The following FNDC3B variants were observed in gnomAD, a reference collection of about 807,000 sequenced individuals.
FNDC3B encodes the protein fibronectin type III domain-containing protein 3B.
In FNDC3B, 12 loss-of-function variants were observed where a neutral mutation model predicts 151.5. That is an observed-to-expected ratio of 0.08 (90% CI 0.05 to 0.13). The LOEUF (loss-of-function observed/expected upper bound fraction) is 0.13. Ranked by LOEUF, FNDC3B falls within the 10% of genes least tolerant of loss-of-function variation. The pLI, the probability that FNDC3B is intolerant of heterozygous loss-of-function variation, is 1.00. For synonymous variants in FNDC3B, 528 were observed against 549.0 expected (o/e 0.96, Z 0.54); for missense variants, 1,214 against 1,505.3 (o/e 0.81, Z 3.20).
intron 23 of FNDC3B, among the ~76,000 whole-genome samples, chr3:172,368,496 CATT>C (rs1193823000): frequency 1.3e-5 from 2 of 152,280 alleles, no homozygotes; most frequent in Non-Finnish European, 2.9e-5. Flanking sequence ...ATATAATCAT[CATT>C]GTTTGATAAA....
At chr3:172,053,604 T>G (rs759111153) in intron 1 of FNDC3B, among the ~76,000 whole-genome samples, 1 of 152,042 alleles carries the variant, frequency 6.6e-6, no homozygotes, top group Non-Finnish European at 1.5e-5. Context: ...AAACCCCATC[T>G]CTACTAAAAA....
chr3:172,283,424 T>C lies in FNDC3B; in HGVS notation c.791-2502T>C, dbSNP rs563493778. 2.0e-5 allele frequency among the ~76,000 whole-genome samples: 3 copies of C among 152,362 alleles called. No homozygotes were observed. The South Asian group carries it at 6.2e-4, about 32-fold the overall frequency. On this transcript the variant is annotated intron_variant, in intron 6 of 25. Coordinates refer to ENST00000415807, the MANE Select transcript of FNDC3B (RefSeq NM_022763.4). ...ATAGTGTATTTCTAGTGCATAGTCC[T>C]GAGGATGTTTTATTTGCAGATCCCT...
chr3:172,175,975 A>G (rs1723573647), intron 3 of FNDC3B, among the ~76,000 whole-genome samples: 1 of 152,250 alleles, frequency 6.6e-6, no homozygotes, highest in Non-Finnish European at 1.5e-5. Flanking sequence ...GTCTACACAG[A>G]ATATAAATTT....
At chr3:172,069,700 T>C (rs1200243238) in intron 1 of FNDC3B, among the ~76,000 whole-genome samples, 1 of 152,218 alleles carries the variant, frequency 6.6e-6, no homozygotes, top group East Asian at 1.9e-4. Context: ...TCAGCTTCAC[T>C]GGGAGGGAGT....
chr3:172,341,216 C>T lies in FNDC3B; in HGVS notation c.1956C>T (p.Thr652=), dbSNP rs879103920. The T allele has an allele frequency of 9.9e-6, 16 of 1,613,520 alleles. No homozygotes were observed. Among genetic ancestry groups the T allele is most frequent in the South Asian group, 5.5e-5 (5 of 91,072 alleles). ...LYKLRACCIS[T]GGHSQCSESL... ...AACTCCGAGCATGCTGCATCAGTAC[C>T]GGCGGACACAGCCAGGTTGGTTTTG... The change falls in exon 17 of 26, where the codon ACC becomes ACT. Residue 652 remains threonine, a synonymous_variant. Coordinates refer to ENST00000415807, the MANE Select transcript of FNDC3B (RefSeq NM_022763.4).
intron 3 of FNDC3B, among the ~76,000 whole-genome samples, chr3:172,144,970 G>A (rs1404264089): frequency 6.6e-6 from 1 of 150,516 alleles, no homozygotes; most frequent in Non-Finnish European, 1.5e-5. Context: ...CACATTTCTT[G>A]TGTGGTTGGA....
At chr3:172,319,667 A>C (rs1360974141) in intron 11 of FNDC3B, among the ~76,000 whole-genome samples, 1 of 152,140 alleles carries the variant, frequency 6.6e-6, no homozygotes, top group Non-Finnish European at 1.5e-5. Flanking sequence ...TTCTGAGTCC[A>C]CCCAAATGCA....
intron 3 of FNDC3B, among the ~76,000 whole-genome samples, chr3:172,203,489 C>G (rs2108693260): frequency 6.6e-6 from 1 of 152,306 alleles, no homozygotes; most frequent in East Asian, 1.9e-4. Flanking sequence ...TCTTTCTGAG[C>G]CATCAATTCT....
At chr3:172,272,787 T>C (rs1055480932) in intron 6 of FNDC3B, among the ~76,000 whole-genome samples, 3 of 152,196 alleles carry the variant, frequency 2.0e-5, no homozygotes, top group Non-Finnish European at 2.9e-5. Flanking sequence ...GCTGCTTTCA[T>C]TGGAAGCCAG....
At chr3:172,295,742 T>G (rs529516574) in intron 8 of FNDC3B, among the ~76,000 whole-genome samples, 40 of 152,214 alleles carry the variant, frequency 2.6e-4, no homozygotes, top group Non-Finnish European at 4.9e-4. Context: ...ATCACTTGGT[T>G]ATATTTGCTG....
intron 7 of FNDC3B, among the ~76,000 whole-genome samples, chr3:172,294,055 A>G (rs1324796669): frequency 2.6e-5 from 4 of 152,236 alleles, no homozygotes; most frequent in African/African-American, 9.6e-5. Context: ...AGATAGCAAT[A>G]GAATAGCCTT....
At chr3:172,159,976 T>C (rs1390504600) in intron 3 of FNDC3B, among the ~76,000 whole-genome samples, 1 of 152,160 alleles carries the variant, frequency 6.6e-6, no homozygotes. Flanking sequence ...CTTTTATAAA[T>C]GGGCTGGCAC....
In FNDC3B at chr3:172,049,689, G is replaced by C. The variant is rs944186942; in HGVS notation, c.-29+9918G>C. Among the ~76,000 whole-genome samples, 3 of 152,144 alleles carry C rather than the reference G, an allele frequency of 2.0e-5. No homozygotes were observed. In the East Asian group the frequency reaches 5.8e-4, roughly 29 times the overall value. On this transcript the variant is annotated intron_variant, in intron 1 of 25. Transcript: ENST00000415807. ...ATTACAGGCATGCACCACCACCCCT[G>C]GCTAATTTTGTATATTTAGTAGAGA...
chr3:172,053,959 T>C (rs11923349), intron 1 of FNDC3B, among the ~76,000 whole-genome samples: 103,804 of 151,512 alleles, frequency 0.69, 35,737 homozygotes, highest in East Asian at 0.79. Flanking sequence ...TGGGAAAAAT[T>C]TGAGACAGTT....
chr3:172,205,632 A>G (rs1178184030), intron 3 of FNDC3B, among the ~76,000 whole-genome samples: 1 of 152,210 alleles, frequency 6.6e-6, no homozygotes, highest in African/African-American at 2.4e-5. Flanking sequence ...AGAAATCTGC[A>G]TTCTCCTTGT....
Position 172,333,244 on chromosome 3 carries a change from G to A in FNDC3B, c.1641+69G>A, listed in dbSNP as rs1184401156. On this transcript the variant is annotated intron_variant, in intron 14 of 25. Transcript: ENST00000415807. ...TGTTTTCTATTTCACCATTTACCAT[G>A]TCAGATTGACTCTACAGGTTAAAAA... is the stretch of plus-strand genomic sequence containing the variant. 3.0e-6 allele frequency: 3 copies of A among 1,003,642 alleles called. No homozygotes were observed. In the African/African-American group the frequency reaches 4.8e-5, roughly 16 times the overall value. The allele number at this position is 1,003,642 out of a possible 1,614,324, so 62.2% of individuals were successfully genotyped here. A position where few individuals can be genotyped will look rare whatever the true frequency, so the allele number is the denominator to read the frequency against.
intron 13 of FNDC3B, 144 bp downstream of exon 13, chr3:172,330,859 C>A: frequency 1.6e-6 from 1 of 618,298 alleles, no homozygotes. Context: ...CTACCAACAC[C>A]GGCCTGTTCT....
chr3:172,155,220 T>C (rs972938074), intron 3 of FNDC3B, among the ~76,000 whole-genome samples: 9 of 152,210 alleles, frequency 5.9e-5, no homozygotes, highest in African/African-American at 2.2e-4. Flanking sequence ...GGAAAATCTT[T>C]CTCAGTTTTC....
At chr3:172,053,835 G>A (rs1716790958) in intron 1 of FNDC3B, among the ~76,000 whole-genome samples, 1 of 151,926 alleles carries the variant, frequency 6.6e-6, no homozygotes, top group African/African-American at 2.4e-5. Context: ...TTTCCAAGAG[G>A]GAGATTTTCC....
Sources: gnomAD v4.1 joint callset for allele counts (sites outside exome capture counted in the v4.1 genomes callset) on GRCh38, gnomAD v4.1.1 for gene constraint, MANE v1.5 for transcripts, NCBI Gene and HGNC (gene_info 2026-07-23, HGNC 2026-07-21) for gene names.